Variants in FAM161B observed in about 807,000 individuals in gnomAD.
FAM161B encodes FAM161 centrosomal protein B.
Under a neutral mutation model 61.5 loss-of-function variants are expected in FAM161B, and 46 were observed. That is an observed-to-expected ratio of 0.75 (90% CI 0.59 to 0.96). The LOEUF is 0.96. Among genes scored for constraint, FAM161B ranks in the 40% least tolerant of loss-of-function variants. The pLI, the probability that FAM161B is intolerant of heterozygous loss-of-function variation, is 0.00. For missense variants in FAM161B, 774 were observed against 800.7 expected (o/e 0.97, Z 0.40); for synonymous variants, 284 against 302.7 (o/e 0.94, Z 0.64).
chr14:73,926,334 A>G, the FAM161B span, among the ~76,000 whole-genome samples: 2 of 151,888 alleles, frequency 1.3e-5, no homozygotes, highest in Non-Finnish European at 2.9e-5. Context: ...CAATGTCTGT[A>G]TATTGCATTT....
rs772537643 is a variant in FAM161B, at chr14:73,944,704, C to G, written c.556G>C (p.Ala186Pro). ...RMTLREARKK[A>P]EWLGSPASFE... ...GAGGCAGGTGAGCCCAGCCACTCGGCCTTCTTCCGGGCCTCGCGCAGCGTC... is the reference window on the plus strand; with the variant it reads ...GAGGCAGGTGAGCCCAGCCACTCGGGCTTCTTCCGGGCCTCGCGCAGCGTC... Residue 186 changes from alanine to proline, a missense_variant, in exon 3 of 9, where the codon GCC becomes CCC. Transcript: ENST00000286544. 1.2e-6 allele frequency: 2 copies of G among 1,606,246 alleles called. No individual in the cohort carries two copies. Among genetic ancestry groups the G allele is most frequent in the Non-Finnish European group, 1.7e-6 (2 of 1,174,138 alleles).
At position 73,933,532 on chromosome 14, in the gene FAM161B, G is replaced by A. The variant is rs555971308; in HGVS notation, c.*724C>T. Reference sequence around the variant, plus strand: ...TAAGTAATTTTTAAATTAGTTGATAGCATACAAATTTCTGGCTTGATGAAA... The same window carrying A: ...TAAGTAATTTTTAAATTAGTTGATAACATACAAATTTCTGGCTTGATGAAA... On this transcript the variant is annotated 3_prime_UTR_variant, in exon 9 of 9. Coordinates refer to ENST00000286544, the MANE Select transcript of FAM161B (RefSeq NM_152445.3). The A allele has an allele frequency of 3.3e-5, 5 of 152,296 alleles. No homozygotes were observed. Among genetic ancestry groups the A allele is most frequent in the Middle Eastern group, 6.8e-3 (2 of 294 alleles). 9.4% of individuals were successfully genotyped at this position (152,296 alleles called of 1,614,324 possible). A position where few individuals can be genotyped will look rare whatever the true frequency, so the allele number is the denominator to read the frequency against.
chr14:73,942,540 C>T lies in FAM161B; in HGVS notation c.1101G>A (p.Arg367=), dbSNP rs1195623357. The change falls in exon 4 of 9, where the codon CGG becomes CGA. Residue 367 remains arginine (R), a synonymous_variant. Coordinates refer to ENST00000286544, the MANE Select transcript of FAM161B (RefSeq NM_152445.3). Reference sequence around the variant, plus strand: ...CATAGTCAGGGACCACAGGATTCACCCGAGGCTGGAATCTGAAGTTAGTGT... The same window carrying T: ...CATAGTCAGGGACCACAGGATTCACTCGAGGCTGGAATCTGAAGTTAGTGT... The part of the protein sequence containing the change: ...FLHTNFRFQP[R]VNPVVPDYEG... 3 of 1,614,188 alleles carry T rather than the reference C, an allele frequency of 1.9e-6. No individual in the cohort carries two copies. In the South Asian group the frequency reaches 3.3e-5, roughly 18 times the overall value.
At chr14:73,942,344 C>T (rs2056026261) in intron 4 of FAM161B, 25 bp downstream of exon 4, 1 of 1,607,020 alleles carries the variant, frequency 6.2e-7, no homozygotes, top group African/African-American at 1.3e-5. Flanking sequence ...AGCCCTGACC[C>T]TCCCACAGCT....
chr14:73,930,199 C>T (rs2055890762), downstream of FAM161B, among the ~76,000 whole-genome samples: 1 of 152,184 alleles, frequency 6.6e-6, no homozygotes, highest in African/African-American at 2.4e-5. Context: ...TCTTGGCCTC[C>T]ATTAAAAACA....
chr14:73,934,979 GGAGACTGCAGTGAGCA>G lies in FAM161B; in HGVS notation c.1806-601_1806-586del, dbSNP rs904524794. On this transcript the variant is annotated intron_variant, in intron 8 of 8. Coordinates refer to ENST00000286544, the MANE Select transcript of FAM161B (RefSeq NM_152445.3). ...GGAGAATCGCTTGAACCCGGGAAGC[GGAGACTGCAGTGAGCA>G]GAGACTGCAGTGAGCCAAGACTGCG... 7.2e-5 allele frequency among the ~76,000 whole-genome samples: 11 copies of G among 151,920 alleles called. No individual in the cohort carries two copies. The East Asian group carries it at 7.8e-4, about 11-fold the overall frequency.
At chr14:73,941,108 CTTT>C (rs11358501) in intron 4 of FAM161B, 55 bp from the exon 5 acceptor site, 87,555 of 932,848 alleles carry the variant, frequency 0.094, 51 homozygotes, top group Non-Finnish European at 0.1. Context: ...TAGTTTCTAT[CTTT>C]TTTTTTTTTT....
At chr14:73,944,976 G>A in intron 2 of FAM161B, 91 bp from the exon 3 acceptor site, 4 of 1,120,088 alleles carry the variant, frequency 3.6e-6, no homozygotes, top group East Asian at 5.3e-5. Flanking sequence ...CCTTCCCACT[G>A]GTCACAGCTG....
Position 73,944,577 on chromosome 14 carries a change from G to A in FAM161B, c.683C>T (p.Pro228Leu), listed in dbSNP as rs1355088494. Residue 228 changes from proline to leucine, a missense_variant, in exon 3 of 9, where the codon CCC (proline) becomes CTC (leucine). Pro to Leu is a moderately conservative substitution (Grantham distance 98). Transcript: ENST00000286544. ...AQPVPAHVYLPLYQEIMERSE... is the reference protein window; with the variant it reads ...AQPVPAHVYLLLYQEIMERSE... ...GCGCTCCATGATCTCTTGGTAGAGG[G>A]GCAGGTAGACATGTGCAGGCACAGG... The A allele has an allele frequency of 6.2e-7, 1 of 1,614,106 alleles. No individual in the cohort carries two copies. The highest frequency in any genetic ancestry group is 8.5e-7 in the Non-Finnish European group (1 of 1,180,024).
chr14:73,941,373 C>T (rs140054067), intron 4 of FAM161B, among the ~76,000 whole-genome samples: 23 of 152,182 alleles, frequency 1.5e-4, no homozygotes, highest in Non-Finnish European at 2.9e-4. Context: ...CCACCCGTGT[C>T]GGCCTCCCAA....
Position 73,949,700 on chromosome 14 carries a change from TTTCTC to T in FAM161B, c.54+268_54+272del, listed in dbSNP as rs71991001. Among the ~76,000 whole-genome samples the T allele has an allele frequency of 0.4, 60,960 of 151,318 alleles. 13,202 individuals are homozygous for T. Among genetic ancestry groups the T allele is most frequent in the South Asian group, 0.49 (2,355 of 4,780 alleles). On this transcript the variant is annotated intron_variant, in intron 1 of 8. Transcript: ENST00000286544. Reference sequence around the variant, plus strand: ...TTTCTTAATCTCTTTGTGCCTCAGTTTTCTCTTCTACAAAAATGAGACGACAATTG... The same window carrying T: ...TTTCTTAATCTCTTTGTGCCTCAGTTTTCTACAAAAATGAGACGACAATTG...
Position 73,939,110 on chromosome 14 carries a change from A to T in FAM161B, c.1401-998T>A, listed in dbSNP as rs927017471. 3.9e-5 allele frequency among the ~76,000 whole-genome samples: 6 copies of T among 152,142 alleles called. No individual in the cohort carries two copies. In the South Asian group the frequency reaches 1.2e-3, roughly 32 times the overall value. ...TCAGGAGTTCGAGACCAGCCTGGTC[A>T]ACATGGTGAAACCCTGTCTCTACCA... On this transcript the variant is annotated intron_variant, in intron 5 of 8. Transcript: ENST00000286544.
the FAM161B span, chr14:73,922,730 T>C: frequency 6.6e-6 from 1 of 152,442 alleles, no homozygotes; most frequent in Non-Finnish European, 1.5e-5. Context: ...CAGTGCCTAC[T>C]GTGTGCCTGG....
downstream of FAM161B, chr14:73,928,106 TG>T (rs1205279054): frequency 1.3e-5 from 2 of 153,018 alleles, no homozygotes; most frequent in Non-Finnish European, 2.9e-5. Context: ...CCCAAAGTGC[TG>T]GGATTACAGG....
chr14:73,934,647 A>G (rs2055956147), intron 8 of FAM161B, among the ~76,000 whole-genome samples: 1 of 149,980 alleles, frequency 6.7e-6, no homozygotes, highest in Admixed American at 6.6e-5. Flanking sequence ...GGGTTTTGCC[A>G]TGTTGCCCAG....
intron 4 of FAM161B, 40 bp from the exon 5 acceptor site, chr14:73,941,093 G>A (rs2056014269): frequency 1.5e-6 from 2 of 1,302,916 alleles, no homozygotes; most frequent in South Asian, 2.5e-5. Context: ...GACAGCATGT[G>A]TGATTAGTTT....
intron 3 of FAM161B, 131 bp downstream of exon 3, chr14:73,944,204 G>A (rs766983708): frequency 1.2e-4 from 170 of 1,417,570 alleles, no homozygotes; most frequent in Middle Eastern, 2.5e-4. Context: ...TGCACTAAGC[G>A]TGCAGCCTCT....
chr14:73,937,353 A>G (rs145511013), intron 7 of FAM161B, among the ~76,000 whole-genome samples: 19 of 152,312 alleles, frequency 1.2e-4, no homozygotes, highest in African/African-American at 4.6e-4. Context: ...TCTGAATGGT[A>G]GACTACAGTG....
In FAM161B at chr14:73,937,977, T is replaced by C; in HGVS notation, c.1536A>G (p.Glu512=). Residue 512 remains glutamate, a synonymous_variant, in exon 6 of 9, where the codon GAA becomes GAG. Transcript: ENST00000286544. ...TCTCTTTCAGCTTTGCTTTGAACACTTCCTCCAGGCTTTTATGGGGATCCA... is the reference window on the plus strand; with the variant it reads ...TCTCTTTCAGCTTTGCTTTGAACACCTCCTCCAGGCTTTTATGGGGATCCA... The part of the protein sequence containing the change: ...KAMDPHKSLE[E]VFKAKLKENR... The C allele has an allele frequency of 3.1e-6, 5 of 1,614,230 alleles. No homozygotes were observed. Among genetic ancestry groups the C allele is most frequent in the Non-Finnish European group, 4.2e-6 (5 of 1,180,034 alleles).
Sources: allele counts gnomAD v4.1 joint callset (sites outside exome capture counted in the v4.1 genomes callset), GRCh38; gene constraint gnomAD v4.1.1; transcripts MANE v1.5; gene names NCBI Gene and HGNC (gene_info 2026-07-23, HGNC 2026-07-21).